Variants in CFI observed in about 807,000 individuals in gnomAD.
CFI encodes the protein C3B/C4B inactivator.
CFI carries 66 observed loss-of-function variants against 78.8 expected under a neutral mutation model. The ratio of observed to expected loss-of-function variants is 0.84; its 90% confidence interval spans 0.69 to 1.03. The LOEUF is 1.03. Ranked by LOEUF, CFI falls within the 50% of genes least tolerant of loss-of-function variation. CFI has a pLI of 0.00. For synonymous variants in CFI, 250 were observed against 232.6 expected, an observed-to-expected ratio of 1.07 and a Z score of -0.68; for missense variants, 706 against 704.5, an observed-to-expected ratio of 1.00 and a Z score of -0.02.
chr4:109,777,567 G>A (rs570333330), intron 1 of CFI, among the ~76,000 whole-genome samples: 3 of 152,226 alleles, frequency 2.0e-5, no homozygotes, highest in Non-Finnish European at 4.4e-5. Context: ...ACATTAGACA[G>A]ATCAATGAGA....
At chr4:109,755,719 A>G (rs1726052944) in intron 7 of CFI, among the ~76,000 whole-genome samples, 1 of 152,170 alleles carries the variant, frequency 6.6e-6, no homozygotes, top group Non-Finnish European at 1.5e-5. Context: ...AACTGTAAGA[A>G]ATAAATGTAT....
chr4:109,795,345 A>G (rs1483595222), intron 1 of CFI, among the ~76,000 whole-genome samples: 1 of 152,142 alleles, frequency 6.6e-6, no homozygotes. Flanking sequence ...CCCACCCAGA[A>G]TCTCTGGCTG....
At chr4:109,795,113 G>A (rs1388675929) in intron 1 of CFI, among the ~76,000 whole-genome samples, 5 of 152,148 alleles carry the variant, frequency 3.3e-5, no homozygotes, top group Non-Finnish European at 4.4e-5. Context: ...CAGCATACAC[G>A]ATGCTGAAAG....
chr4:109,798,254 C>T (rs900921683), intron 1 of CFI, among the ~76,000 whole-genome samples: 2 of 151,984 alleles, frequency 1.3e-5, no homozygotes, highest in African/African-American at 2.4e-5. Flanking sequence ...CAGAATAGTG[C>T]CTATTGTTCA....
At chr4:109,763,701 T>A (rs999613983) in intron 3 of CFI, among the ~76,000 whole-genome samples, 1 of 152,038 alleles carries the variant, frequency 6.6e-6, no homozygotes, top group East Asian at 1.9e-4. Context: ...ATCTATTATC[T>A]AGAACCCTGC....
At chr4:109,746,852 T>C (rs1048358705) in intron 10 of CFI, among the ~76,000 whole-genome samples, 1 of 152,188 alleles carries the variant, frequency 6.6e-6, no homozygotes, top group Non-Finnish European at 1.5e-5. Flanking sequence ...GCCATAAATG[T>C]AGTTAAGGAA....
intron 8 of CFI, among the ~76,000 whole-genome samples, chr4:109,751,350 T>A (rs1406763069): frequency 6.6e-6 from 1 of 151,888 alleles, no homozygotes; most frequent in African/African-American, 2.4e-5. Context: ...TTAGGTAGTA[T>A]CTGAAAATGA....
chr4:109,753,656 TATATA>T, intron 7 of CFI, among the ~76,000 whole-genome samples: 1 of 89,362 alleles, frequency 1.1e-5, no homozygotes, highest in Non-Finnish European at 2.0e-5. Context: ...TATTATATAT[TATATA>T]ATGTATAATT....
intron 3 of CFI, 81 bp from the exon 4 acceptor site, chr4:109,761,773 T>A: frequency 8.8e-7 from 1 of 1,140,588 alleles, no homozygotes; most frequent in Non-Finnish European, 1.3e-6. Flanking sequence ...GGTAAGAAAC[T>A]AGAGTAATGT....
In CFI at chr4:109,740,997, A is replaced by G. The variant is rs749654103; in HGVS notation, c.1648T>C (p.Cys550Arg). 2 of 1,614,222 alleles carry G rather than the reference A, an allele frequency of 1.2e-6. No individual in the cohort carries two copies. Among genetic ancestry groups the G allele is most frequent in the Non-Finnish European group, 8.5e-7 (1 of 1,180,020 alleles). The change falls in exon 13 of 13, where the codon TGT (cysteine) becomes CGT (arginine). Residue 550 changes from cysteine to arginine, a missense_variant. Cys to Arg is a radical substitution (Grantham distance 180). Transcript: ENST00000394634. ...ACACCTGGGAACTCTGGTTTTCCAC[A>G]GTTTTCCCCCCAACTCACAACACCC... ...VWGVVSWGENCGKPEFPGVYT... is the reference protein window; with the variant it reads ...VWGVVSWGENRGKPEFPGVYT...
At chr4:109,775,889 C>G (rs12650480) in intron 1 of CFI, among the ~76,000 whole-genome samples, 48,592 of 151,940 alleles carry the variant, frequency 0.32, 8,000 homozygotes, top group Middle Eastern at 0.42. Flanking sequence ...TGTAGTGGAC[C>G]TCCAGCAAAC....
At chr4:109,739,068 G>A (rs1723548180), downstream of CFI, among the ~76,000 whole-genome samples, 2 of 152,056 alleles carry the variant, frequency 1.3e-5, no homozygotes, top group South Asian at 4.2e-4. Flanking sequence ...CTTACAAATA[G>A]TTAAAATTGT....
At chr4:109,747,538 G>A (rs76778005) in intron 10 of CFI, among the ~76,000 whole-genome samples, 19 of 152,154 alleles carry the variant, frequency 1.2e-4, no homozygotes, top group African/African-American at 4.1e-4. Flanking sequence ...GAGTCACTTC[G>A]GCAAAGTATT....
intron 1 of CFI, among the ~76,000 whole-genome samples, chr4:109,792,553 TCAAAAA>T (rs1199549885): frequency 2.6e-5 from 4 of 151,996 alleles, no homozygotes; most frequent in African/African-American, 4.8e-5. Context: ...TGACTCCATC[TCAAAAA>T]CAAAAACAAA....
At chr4:109,785,355 T>C (rs1029321492) in intron 1 of CFI, among the ~76,000 whole-genome samples, 3 of 152,110 alleles carry the variant, frequency 2.0e-5, no homozygotes, top group African/African-American at 7.2e-5. Flanking sequence ...AGAGTAGTAG[T>C]CAAAATTGTT....
intron 7 of CFI, among the ~76,000 whole-genome samples, chr4:109,756,929 G>GAAAGAAAGAAAGAAAGAA (rs1726313465): frequency 6.9e-6 from 1 of 144,240 alleles, no homozygotes; most frequent in African/African-American, 2.6e-5. Context: ...AAGAAAGAAA[G>GAAAGAAAGAAAGAAAGAA]AAAGAAAGAA....
chr4:109,790,873 T>C (rs886896231), intron 1 of CFI, among the ~76,000 whole-genome samples: 2 of 152,196 alleles, frequency 1.3e-5, no homozygotes, highest in Non-Finnish European at 2.9e-5. Context: ...GGTGATTCCA[T>C]GTCTTTGCTA....
chr4:109,762,985 A>G (rs1052052139), intron 3 of CFI, among the ~76,000 whole-genome samples: 7 of 152,198 alleles, frequency 4.6e-5, no homozygotes, highest in African/African-American at 1.7e-4. Context: ...GAAACTCAGA[A>G]ATAGCCTATG....
intron 3 of CFI, chr4:109,761,916 G>A (rs1203586941): frequency 5.9e-6 from 3 of 505,150 alleles, no homozygotes; most frequent in South Asian, 4.1e-5. Flanking sequence ...TTGGCTGGGG[G>A]TGGTGGCTCA....
Sources: allele counts gnomAD v4.1 joint callset (sites outside exome capture counted in the v4.1 genomes callset), GRCh38; gene constraint gnomAD v4.1.1; transcripts MANE v1.5; gene names NCBI Gene and HGNC (gene_info 2026-07-23, HGNC 2026-07-21).